Variants in AKR1C2 observed in about 807,000 individuals in gnomAD.
The protein encoded by AKR1C2 is aldo-keto reductase family 1 member C2, also known as 3-alpha-HSD3.
In AKR1C2, 27 loss-of-function variants were observed where a neutral mutation model predicts 39.8. The observed-to-expected ratio is 0.68, with a 90% confidence interval of 0.50 to 0.93. The LOEUF (loss-of-function observed/expected upper bound fraction) is 0.93. AKR1C2 is among the 40% of genes least tolerant of loss of function. AKR1C2 has a pLI of 0.00. For synonymous variants in AKR1C2, 114 were observed against 137.9 expected (o/e 0.83, Z 1.22); for missense variants, 263 against 365.1 (o/e 0.72, Z 2.28).
chr10:5,012,501 C>G (rs1364646166), intron 1 of AKR1C2, among the ~76,000 whole-genome samples: 1 of 150,082 alleles, frequency 6.7e-6, no homozygotes, highest in South Asian at 2.1e-4. Flanking sequence ...TAAGGAAAGA[C>G]CCATAGGGAA....
intron 4 of AKR1C2, 31 bp from the exon 5 acceptor site, chr10:4,998,778 G>A (rs1837153728): frequency 1.2e-6 from 2 of 1,613,116 alleles, no homozygotes; most frequent in South Asian, 1.1e-5. Context: ...GGTATCATTT[G>A]TGTAGTCGAC....
chr10:4,995,867 T>C lies in AKR1C2; in HGVS notation c.571-2A>G. ...GTTGAAGTAAGGATGACATTCCACC[T>C]GCAGACGAGCAAGATGGAAAAGCAT... On this transcript the variant is annotated splice_acceptor_variant, in intron 5 of 8. Coordinates refer to ENST00000380753, the MANE Select transcript of AKR1C2 (RefSeq NM_001393392.1). LOFTEE classifies it high-confidence loss of function. The C allele has an allele frequency of 1.2e-6, 2 of 1,610,692 alleles. No individual in the cohort carries two copies. Among genetic ancestry groups the C allele is most frequent in the Non-Finnish European group, 1.7e-6 (2 of 1,178,880 alleles).
chr10:4,997,795 A>G (rs188272656), intron 5 of AKR1C2, among the ~76,000 whole-genome samples: 31 of 152,342 alleles, frequency 2.0e-4, no homozygotes, highest in African/African-American at 7.5e-4. Context: ...AGGTGTAGTG[A>G]TTTTAATGCT....
upstream of AKR1C2, among the ~76,000 whole-genome samples, chr10:5,008,061 C>T (rs1837440547): frequency 6.6e-6 from 1 of 151,572 alleles, no homozygotes; most frequent in South Asian, 2.1e-4. Flanking sequence ...CACATGGCTG[C>T]TCTCACAGTT....
chr10:5,006,740 A>AG (rs1554774434), upstream of AKR1C2: 1 of 141,754 alleles, frequency 7.1e-6, no homozygotes, highest in East Asian at 2.2e-4. Context: ...TCAATAAAAA[A>AG]AAATTTCACC....
At chr10:5,017,687 C>G (rs1554775456) in intron 1 of AKR1C2, among the ~76,000 whole-genome samples, 1 of 152,178 alleles carries the variant, frequency 6.6e-6, no homozygotes, top group African/African-American at 2.4e-5. Context: ...ATCACACCTA[C>G]TACCTATCCA....
intron 1 of AKR1C2, among the ~76,000 whole-genome samples, chr10:5,012,205 A>G (rs1165010723): frequency 6.6e-6 from 1 of 151,888 alleles, no homozygotes. Context: ...GTGATATAGT[A>G]CTTTCTATTA....
At chr10:5,007,931 T>G (rs1265007595), upstream of AKR1C2, among the ~76,000 whole-genome samples, 9 of 150,646 alleles carry the variant, frequency 6.0e-5, no homozygotes, top group African/African-American at 2.0e-4. Context: ...AAATTAAATC[T>G]TAAAGCTGCA....
At chr10:5,011,023 A>T (rs536714926) in intron 1 of AKR1C2, among the ~76,000 whole-genome samples, 2 of 136,570 alleles carry the variant, frequency 1.5e-5, no homozygotes, top group South Asian at 2.4e-4. Context: ...AATTAGACCA[A>T]TAAGCTTCTG....
chr10:5,013,018 A>T (rs797039534), intron 1 of AKR1C2, among the ~76,000 whole-genome samples: 19 of 152,318 alleles, frequency 1.2e-4, no homozygotes, highest in African/African-American at 4.3e-4. Context: ...ATGAACCTCT[A>T]TTCAGGCTGT....
chr10:4,991,031 A>G (rs1836822962), intron 8 of AKR1C2, among the ~76,000 whole-genome samples: 1 of 151,348 alleles, frequency 6.6e-6, no homozygotes, highest in Non-Finnish European at 1.5e-5. Flanking sequence ...CATCAGTTAC[A>G]TAACTTCTTT....
At chr10:5,017,149 C>T (rs1299836204) in intron 1 of AKR1C2, among the ~76,000 whole-genome samples, 1 of 152,216 alleles carries the variant, frequency 6.6e-6, no homozygotes, top group African/African-American at 2.4e-5. Context: ...GCATTTTTCC[C>T]TATTGTCTTG....
chr10:5,000,140 T>A lies in AKR1C2; in HGVS notation c.369+410A>T, dbSNP rs577802903. The A allele has an allele frequency of 3.1e-6, 4 of 1,292,734 alleles. No homozygotes were observed. In the East Asian group the frequency reaches 9.6e-5, roughly 31 times the overall value. 80.1% of individuals were successfully genotyped at this position (1,292,734 alleles called of 1,614,324 possible). A position where few individuals can be genotyped will look rare whatever the true frequency, so the allele number is the denominator to read the frequency against. On this transcript the variant is annotated intron_variant, in intron 3 of 8. Coordinates refer to ENST00000380753, the MANE Select transcript of AKR1C2 (RefSeq NM_001393392.1). ...CATTCCCGGACTGAGTTCTTGCCCCTTGAAAAGAGGCAAGAAGATGGAAAC... is the reference window on the plus strand; with the variant it reads ...CATTCCCGGACTGAGTTCTTGCCCCATGAAAAGAGGCAAGAAGATGGAAAC...
chr10:5,008,112 A>G (rs1313233318), upstream of AKR1C2, among the ~76,000 whole-genome samples: 1 of 151,536 alleles, frequency 6.6e-6, no homozygotes, highest in Non-Finnish European at 1.5e-5. Context: ...TGAAGTTGCA[A>G]GCGGCTGATA....
intron 1 of AKR1C2, among the ~76,000 whole-genome samples, 178 bp from the exon 2 acceptor site, chr10:5,001,859 G>GA (rs1564332617): frequency 1.3e-5 from 2 of 152,188 alleles, no homozygotes; most frequent in African/African-American, 4.8e-5. Flanking sequence ...TAAAGGTTGG[G>GA]CATAGCAGGA....
At chr10:5,002,832 C>T (rs568484392) in intron 1 of AKR1C2, among the ~76,000 whole-genome samples, 61 of 152,120 alleles carry the variant, frequency 4.0e-4, no homozygotes, top group Non-Finnish European at 8.1e-4. Flanking sequence ...TTACCAAGGC[C>T]GGAGCTTCAG....
upstream of AKR1C2, among the ~76,000 whole-genome samples, chr10:5,005,510 G>A (rs555356655): frequency 3.0e-4 from 34 of 112,984 alleles, no homozygotes; most frequent in South Asian, 8.2e-3. Flanking sequence ...GTGAAACCCC[G>A]TCTCTACTAA....
intron 7 of AKR1C2, among the ~76,000 whole-genome samples, chr10:4,993,660 A>G (rs1282933728): frequency 6.6e-6 from 1 of 152,106 alleles, no homozygotes; most frequent in Admixed American, 6.5e-5. Flanking sequence ...TTGTGAAAAC[A>G]TAACCACAGA....
At chr10:5,000,405 A>G (rs1270990904) in intron 3 of AKR1C2, 145 bp downstream of exon 3, 5 of 1,568,362 alleles carry the variant, frequency 3.2e-6, no homozygotes, top group Non-Finnish European at 3.5e-6. Flanking sequence ...TTCCATAGAA[A>G]GGAATTAGGA....
Sources: allele counts gnomAD v4.1 joint callset (sites outside exome capture counted in the v4.1 genomes callset), GRCh38; gene constraint gnomAD v4.1.1; transcripts MANE v1.5; gene names NCBI Gene and HGNC (gene_info 2026-07-23, HGNC 2026-07-21).